Variants in CSMD1 observed in about 807,000 individuals in gnomAD.
The protein encoded by CSMD1 is CUB and sushi domain-containing protein 1.
Under a neutral mutation model 417.5 loss-of-function variants are expected in CSMD1, and 213 were observed. That is an observed-to-expected ratio of 0.51 (90% CI 0.46 to 0.57). The LOEUF is 0.57. CSMD1 is among the 20% of genes least tolerant of loss of function. The pLI is 0.00. For missense variants in CSMD1, 6,923 were observed against 4,529.7 expected, an observed-to-expected ratio of 1.53 and a Z score of -15.17; for synonymous variants, 2,862 against 1,736.8, an observed-to-expected ratio of 1.65 and a Z score of -16.11.
At chr8:4,459,045 G>A (rs1375822734) in intron 2 of CSMD1, among the ~76,000 whole-genome samples, 1 of 152,090 alleles carries the variant, frequency 6.6e-6, no homozygotes, top group Non-Finnish European at 1.5e-5. Flanking sequence ...CTCCAATCTA[G>A]GTGAGTATGG....
At chr8:4,837,226 T>C (rs1378354208) in intron 1 of CSMD1, among the ~76,000 whole-genome samples, 1 of 152,168 alleles carries the variant, frequency 6.6e-6, no homozygotes, top group Non-Finnish European at 1.5e-5. Flanking sequence ...AATGTAAAGC[T>C]ATCATATCAT....
intron 26 of CSMD1, among the ~76,000 whole-genome samples, chr8:3,272,686 C>T (rs189459205): frequency 0.25 from 29,371 of 116,112 alleles, 4,625 homozygotes; most frequent in African/African-American, 0.27. Flanking sequence ...TTATTCTCTT[C>T]GAAGCAATTG....
intron 5 of CSMD1, among the ~76,000 whole-genome samples, chr8:3,956,267 T>G (rs1382509081): frequency 6.6e-6 from 1 of 152,206 alleles, no homozygotes; most frequent in Non-Finnish European, 1.5e-5. Flanking sequence ...ACATTTGACT[T>G]TTAAAACAAT....
chr8:4,984,905 G>A (rs1811092884), intron 1 of CSMD1, among the ~76,000 whole-genome samples: 1 of 152,186 alleles, frequency 6.6e-6, no homozygotes, highest in African/African-American at 2.4e-5. Context: ...GTGCTAGCAT[G>A]CAGAGCAGTG....
intron 5 of CSMD1, among the ~76,000 whole-genome samples, chr8:3,995,079 T>C (rs1010424604): frequency 6.6e-6 from 1 of 152,198 alleles, no homozygotes; most frequent in African/African-American, 2.4e-5. Flanking sequence ...TACACCAATT[T>C]GATTCATGAA....
intron 1 of CSMD1, among the ~76,000 whole-genome samples, chr8:4,897,890 C>G (rs184036388): frequency 3.3e-5 from 5 of 152,118 alleles, no homozygotes; most frequent in Admixed American, 1.3e-4. Flanking sequence ...ACATCGTAAA[C>G]CAGAGCAAGG....
rs138164901 is a variant in CSMD1 at position 3,981,315 on chromosome 8, T to C, written c.818+16588A>G. Among the ~76,000 whole-genome samples the C allele has an allele frequency of 1.2e-3, 178 of 152,056 alleles. 1 individual carries two copies. The highest frequency in any genetic ancestry group is 1.8e-3 in the Admixed American group (28 of 15,256). Reference sequence around the variant, plus strand: ...CTATGAGGACACAAAGGCAAAAGAATGATAACAGCGGATTTTGGGGACTTC... The same window carrying C: ...CTATGAGGACACAAAGGCAAAAGAACGATAACAGCGGATTTTGGGGACTTC... On this transcript the variant is annotated intron_variant, in intron 5 of 69. Transcript: ENST00000635120.
intron 8 of CSMD1, among the ~76,000 whole-genome samples, chr8:3,610,973 G>C (rs956600185): frequency 3.3e-5 from 5 of 151,034 alleles, no homozygotes; most frequent in Non-Finnish European, 2.9e-5. Flanking sequence ...GAGAGAAAAG[G>C]TGCAGTGTCA....
intron 1 of CSMD1, among the ~76,000 whole-genome samples, chr8:4,658,324 A>T (rs746833450): frequency 1.2e-4 from 18 of 152,266 alleles, no homozygotes; most frequent in Non-Finnish European, 2.1e-4. Flanking sequence ...GAAAGACAAA[A>T]ACAAAGATTG....
At chr8:4,312,028 G>C (rs1459101662) in intron 3 of CSMD1, among the ~76,000 whole-genome samples, 2 of 152,088 alleles carry the variant, frequency 1.3e-5, no homozygotes, top group Non-Finnish European at 1.5e-5. Context: ...AATTATTATA[G>C]TGTGTTGAAA....
intron 5 of CSMD1, among the ~76,000 whole-genome samples, chr8:3,972,642 T>G (rs983750670): frequency 2.6e-5 from 4 of 152,234 alleles, no homozygotes; most frequent in East Asian, 1.9e-4. Flanking sequence ...TTAGTTTACA[T>G]GTGATAGTAA....
At chr8:4,585,311 A>G (rs1295651044) in intron 2 of CSMD1, among the ~76,000 whole-genome samples, 2 of 152,194 alleles carry the variant, frequency 1.3e-5, no homozygotes, top group Non-Finnish European at 2.9e-5. Context: ...AAATTAAGCT[A>G]ATTAATAGCA....
chr8:4,466,987 T>C (rs1481485305), intron 2 of CSMD1, among the ~76,000 whole-genome samples: 1 of 152,124 alleles, frequency 6.6e-6, no homozygotes, highest in Middle Eastern at 3.4e-3. Flanking sequence ...TGCTCAGCTG[T>C]GGGAGCTTTC....
chr8:3,769,461 G>A (rs187443058), intron 5 of CSMD1, among the ~76,000 whole-genome samples: 125 of 150,936 alleles, frequency 8.3e-4, no homozygotes, highest in African/African-American at 3.0e-3. Context: ...TGAACTCATT[G>A]TTTTTCTTCC....
intron 2 of CSMD1, among the ~76,000 whole-genome samples, chr8:4,456,155 G>A (rs1295004931): frequency 1.3e-5 from 2 of 151,292 alleles, no homozygotes; most frequent in Non-Finnish European, 2.9e-5. Context: ...AACAGAGAGT[G>A]GTCCCTGTCT....
intron 2 of CSMD1, among the ~76,000 whole-genome samples, chr8:4,446,616 C>A (rs531740412): frequency 2.0e-5 from 3 of 152,080 alleles, no homozygotes; most frequent in Non-Finnish European, 4.4e-5. Context: ...TGCAGCAGCG[C>A]GATCTCAGCT....
chr8:4,974,026 T>C (rs1364828028), intron 1 of CSMD1, among the ~76,000 whole-genome samples: 1 of 152,142 alleles, frequency 6.6e-6, no homozygotes, highest in African/African-American at 2.4e-5. Context: ...TTATTTTATT[T>C]ACTTATTTAT....
At chr8:3,186,199 G>T (rs1486799655) in intron 36 of CSMD1, among the ~76,000 whole-genome samples, 1 of 152,014 alleles carries the variant, frequency 6.6e-6, no homozygotes, top group South Asian at 2.1e-4. Flanking sequence ...TAATGAGAGA[G>T]GCCTTATCTT....
chr8:4,235,558 C>T (rs1801996908), intron 3 of CSMD1, among the ~76,000 whole-genome samples: 1 of 152,086 alleles, frequency 6.6e-6, no homozygotes, highest in African/African-American at 2.4e-5. Flanking sequence ...CGAATATTTT[C>T]TTGTGCTTTT....
Sources: gnomAD v4.1 joint callset for allele counts (sites outside exome capture counted in the v4.1 genomes callset) on GRCh38, gnomAD v4.1.1 for gene constraint, MANE v1.5 for transcripts, NCBI Gene and HGNC (gene_info 2026-07-23, HGNC 2026-07-21) for gene names.